GALNT17: variants seen among roughly 807,000 people sequenced by gnomAD.
GALNT17 encodes the protein UDP-GalNAc:polypeptide N-acetylgalactosaminyltransferase-like 3.
A neutral mutation model predicts 63.7 loss-of-function variants in GALNT17; 29 were observed. That is an observed-to-expected ratio of 0.46 (90% CI 0.34 to 0.62). GALNT17 has a LOEUF of 0.62. Ranked by LOEUF, GALNT17 falls within the 20% of genes least tolerant of loss-of-function variation. The pLI is 0.01. For synonymous variants in GALNT17, 305 were observed against 318.3 expected (o/e 0.96, Z 0.45); for missense variants, 603 against 799.6 (o/e 0.75, Z 2.97).
chr7:71,206,204 C>T (rs1789268874), intron 1 of GALNT17, among the ~76,000 whole-genome samples: 1 of 150,922 alleles, frequency 6.6e-6, no homozygotes, highest in African/African-American at 2.4e-5. Flanking sequence ...AAGTGGTTAT[C>T]TTGTGCTCAT....
intron 9 of GALNT17, among the ~76,000 whole-genome samples, chr7:71,694,103 G>C (rs1791504048): frequency 6.6e-6 from 1 of 152,082 alleles, no homozygotes; most frequent in African/African-American, 2.4e-5. Flanking sequence ...TGTCTTCCCT[G>C]GTGGCAGACA....
chr7:71,262,158 C>T (rs1790396510), intron 1 of GALNT17, among the ~76,000 whole-genome samples: 1 of 152,170 alleles, frequency 6.6e-6, no homozygotes, highest in South Asian at 2.1e-4. Flanking sequence ...GTCACCCAGG[C>T]TGGAGTGCAG....
At chr7:71,325,598 A>G (rs1207749240) in intron 1 of GALNT17, among the ~76,000 whole-genome samples, 1 of 152,200 alleles carries the variant, frequency 6.6e-6, no homozygotes, top group Non-Finnish European at 1.5e-5. Flanking sequence ...CATTTGTATG[A>G]AGGAAGGTGG....
intron 6 of GALNT17, among the ~76,000 whole-genome samples, chr7:71,577,175 CATAAAGATGGGA>C (rs1789552778): frequency 1.3e-5 from 2 of 152,114 alleles, no homozygotes; most frequent in African/African-American, 4.8e-5. Context: ...TACCCATGGA[CATAAAGATGGGA>C]ATGACAGACA....
Position 71,612,000 on chromosome 7 carries a change from G to A in GALNT17, c.1080+40598G>A, listed in dbSNP as rs573986830. Among the ~76,000 whole-genome samples, 236 of 152,276 alleles carry A rather than the reference G, an allele frequency of 1.5e-3. 1 individual carries two copies. The highest frequency in any genetic ancestry group is 5.4e-3 in the African/African-American group (224 of 41,562). On this transcript the variant is annotated intron_variant, in intron 6 of 10. Transcript: ENST00000333538. ...CCAGCCACAATTTGGGTGCAAGTTG[G>A]TGCCATCTCTTGGTTGAAGCAATCG...
intron 1 of GALNT17, among the ~76,000 whole-genome samples, chr7:71,277,395 C>G (rs971428659): frequency 6.6e-6 from 1 of 152,144 alleles, no homozygotes; most frequent in Non-Finnish European, 1.5e-5. Context: ...ATACAGCATT[C>G]ACTATTTGGG....
chr7:71,449,108 CTTTTTTTT>C (rs59368494), intron 5 of GALNT17, among the ~76,000 whole-genome samples: 1 of 72,754 alleles, frequency 1.4e-5, no homozygotes, highest in Non-Finnish European at 2.3e-5. Context: ...TGCCTATTTT[CTTTTTTTT>C]TTTTTTTTTT....
intron 9 of GALNT17, among the ~76,000 whole-genome samples, chr7:71,697,361 G>A (rs1341618459): frequency 1.3e-5 from 2 of 152,144 alleles, no homozygotes; most frequent in Non-Finnish European, 2.9e-5. Context: ...TCTCAGAATA[G>A]TCTGGAATTT....
intron 10 of GALNT17, 43 bp from the exon 11 acceptor site, chr7:71,711,975 C>T (rs747017153): frequency 1.9e-6 from 3 of 1,605,130 alleles, no homozygotes; most frequent in Non-Finnish European, 2.6e-6. Context: ...GTCTCTCTCT[C>T]CTCTCTCTCT....
At chr7:71,633,422 T>G (rs995271972) in intron 6 of GALNT17, among the ~76,000 whole-genome samples, 1 of 152,104 alleles carries the variant, frequency 6.6e-6, no homozygotes, top group Non-Finnish European at 1.5e-5. Context: ...CCGGGATAGC[T>G]CTCCTGTCGG....
rs751915636 is a variant in GALNT17, at chr7:71,415,980, C to G, written c.681C>G (p.Ile227Met). ...VVRNQKREGL[I>M]RARIEGWKVA... ...GAAATCAGAAGAGGGAAGGCCTGAT[C>G]CGCGCTCGCATTGAGGGCTGGAAGG... is the stretch of plus-strand genomic sequence containing the variant. The change falls in exon 4 of 11, where the codon ATC (isoleucine) becomes ATG (methionine). Residue 227 changes from isoleucine to methionine, a missense_variant. This residue lies in a region of GALNT17 where 336 missense variants were observed against 507.8 expected (regional missense o/e 0.66). Transcript: ENST00000333538. The G allele has an allele frequency of 5.0e-6, 8 of 1,613,858 alleles. No individual in the cohort carries two copies. The highest frequency in any genetic ancestry group is 6.8e-6 in the Non-Finnish European group (8 of 1,179,910).
At chr7:71,249,526 A>G (rs1277954998) in intron 1 of GALNT17, among the ~76,000 whole-genome samples, 1 of 152,230 alleles carries the variant, frequency 6.6e-6, no homozygotes. Context: ...GCAATGCTTC[A>G]AATTTATTTT....
At chr7:71,322,497 T>C (rs562546512) in intron 1 of GALNT17, among the ~76,000 whole-genome samples, 60 of 152,342 alleles carry the variant, frequency 3.9e-4, no homozygotes, top group African/African-American at 1.4e-3. Context: ...GGCGAAAATG[T>C]ACCTCCAGTA....
Position 71,340,868 on chromosome 7 carries a change from T to C in GALNT17, c.422+5135T>C, listed in dbSNP as rs185417690. ...GGCCAACATGGTGAAACCCTGTCTC[T>C]ACTAAAAATACAAGAAAAAATTAGC... On this transcript the variant is annotated intron_variant, in intron 2 of 10. Coordinates refer to ENST00000333538, the MANE Select transcript of GALNT17 (RefSeq NM_022479.3). Among the ~76,000 whole-genome samples the C allele has an allele frequency of 2.5e-3, 373 of 152,206 alleles. 3 individuals are homozygous for C. Among genetic ancestry groups the C allele is most frequent in the African/African-American group, 8.6e-3 (359 of 41,516 alleles).
At chr7:71,523,646 G>A (rs1242591841) in intron 5 of GALNT17, among the ~76,000 whole-genome samples, 1 of 151,676 alleles carries the variant, frequency 6.6e-6, no homozygotes, top group African/African-American at 2.4e-5. Flanking sequence ...AGAAGCTGAA[G>A]GAGGAGGATC....
chr7:71,210,006 T>C (rs773843783), intron 1 of GALNT17, among the ~76,000 whole-genome samples: 1 of 152,084 alleles, frequency 6.6e-6, no homozygotes, highest in Non-Finnish European at 1.5e-5. Flanking sequence ...CACTGCAACC[T>C]CTGCCTCCTG....
At chr7:71,362,038 C>CCT (rs2116233637) in intron 2 of GALNT17, among the ~76,000 whole-genome samples, 1 of 152,206 alleles carries the variant, frequency 6.6e-6, no homozygotes, top group Non-Finnish European at 1.5e-5. Flanking sequence ...CTCACTGCAA[C>CCT]CTCTGCCTCT....
chr7:71,217,330 G>A (rs920449025), intron 1 of GALNT17, among the ~76,000 whole-genome samples: 8 of 151,168 alleles, frequency 5.3e-5, no homozygotes, highest in Admixed American at 4.0e-4. Context: ...TTTCATTTGC[G>A]GGTATATTGT....
intron 2 of GALNT17, among the ~76,000 whole-genome samples, chr7:71,356,717 T>C (rs755615738): frequency 2.6e-5 from 4 of 152,166 alleles, no homozygotes; most frequent in Non-Finnish European, 4.4e-5. Flanking sequence ...GCCTCCAACT[T>C]TGGGAATCAG....
Sources: gnomAD v4.1 joint callset for allele counts (sites outside exome capture counted in the v4.1 genomes callset) on GRCh38, gnomAD v4.1.1 for gene constraint, gnomAD v4.1.1 regional missense constraint, MANE v1.5 for transcripts, NCBI Gene and HGNC (gene_info 2026-07-23, HGNC 2026-07-21) for gene names.